The following METTL16 variants were observed in gnomAD, a reference collection of about 807,000 sequenced individuals.
The protein encoded by METTL16 is methyltransferase 16, RNA N6-adenosine, also known as RNA N(6)-adenosine-methyltransferase METTL16.
Under a neutral mutation model 57.9 loss-of-function variants are expected in METTL16, and 19 were observed. The observed-to-expected ratio is 0.33, with a 90% CI of 0.23 to 0.48. The LOEUF is 0.48. Among genes scored for constraint, METTL16 ranks in the 20% least tolerant of loss-of-function variants. The probability of loss-of-function intolerance (pLI) is 0.99; values close to 1 mark genes in which losing one functional copy is unlikely to be tolerated. For missense variants in METTL16, 434 were observed against 691.5 expected (o/e 0.63, Z 4.18); for synonymous variants, 246 against 255.6 (o/e 0.96, Z 0.36).
In METTL16 at chr17:2,477,679, G is replaced by A. The variant is rs1457173411; in HGVS notation, c.328+7C>T. ...GTTTAGCCAAAAAAGAATTTAAAAT[G>A]ATATACCTATGTCAATTCCTCTTCG... On this transcript the variant is annotated splice_region_variant and intron_variant, in intron 3 of 9. Transcript: ENST00000263092. 1 of 1,601,996 alleles carries A rather than the reference G, an allele frequency of 6.2e-7. No individual in the cohort carries two copies. The highest frequency in any genetic ancestry group is 1.3e-5 in the African/African-American group (1 of 74,648).
intron 6 of METTL16, among the ~76,000 whole-genome samples, chr17:2,452,861 T>G (rs2067081258): frequency 1.3e-5 from 2 of 152,052 alleles, no homozygotes; most frequent in African/African-American, 2.4e-5. Context: ...TTGTTTTTGT[T>G]TTTTTTAGAC....
Position 2,496,181 on chromosome 17 carries a change from A to G in METTL16, c.128+6023T>C, listed in dbSNP as rs543868831. Among the ~76,000 whole-genome samples, 76 of 151,734 alleles carry G rather than the reference A, an allele frequency of 5.0e-4. 1 individual carries two copies. Among genetic ancestry groups the G allele is most frequent in the Non-Finnish European group, 7.9e-4 (54 of 68,012 alleles). On this transcript the variant is annotated intron_variant, in intron 2 of 9. Coordinates refer to ENST00000263092, the MANE Select transcript of METTL16 (RefSeq NM_024086.4). ...AGAAAAAACATCCTACACAAATAGT[A>G]TTTTTATCTAATTGTGTTCAAGGCA...
intron 6 of METTL16, among the ~76,000 whole-genome samples, chr17:2,447,574 G>A (rs2067012716): frequency 9.0e-6 from 1 of 110,574 alleles, no homozygotes; most frequent in African/African-American, 5.4e-5. Flanking sequence ...CCAGGAGGGA[G>A]GTGGGGGGGG....
intron 1 of METTL16, among the ~76,000 whole-genome samples, chr17:2,504,715 C>T (rs1171271943): frequency 1.3e-5 from 2 of 152,112 alleles, no homozygotes; most frequent in African/African-American, 2.4e-5. Flanking sequence ...GCCACCATGC[C>T]ACCACGCCTG....
chr17:2,444,527 G>A (rs1279607316), intron 6 of METTL16, among the ~76,000 whole-genome samples: 1 of 152,118 alleles, frequency 6.6e-6, no homozygotes, highest in African/African-American at 2.4e-5. Context: ...CGTAGCTGTT[G>A]CAACATCATA....
At position 2,420,840 on chromosome 17, in the gene METTL16, G is replaced by C; in HGVS notation, c.953C>G (p.Ala318Gly). Residue 318 changes from alanine (A) to glycine (G), a missense_variant, in exon 9 of 10, where the codon GCG becomes GGG. Transcript: ENST00000263092. The surrounding 1 kb of genome is among the most constrained non-coding windows in gnomAD (Gnocchi z 5.4). ...GAGGGATAATTCCTTCATCACGGAC[G>C]CCAGCACCACGAATGTTATGGGTTT... ...PRKPITFVVLASVMKELSLKA... is the reference protein window; with the variant it reads ...PRKPITFVVLGSVMKELSLKA... 1 of 1,614,158 alleles carries C rather than the reference G, an allele frequency of 6.2e-7. No individual in the cohort carries two copies. The highest frequency in any genetic ancestry group is 8.5e-7 in the Non-Finnish European group (1 of 1,180,042).
At chr17:2,430,522 T>G (rs1273077468) in intron 8 of METTL16, among the ~76,000 whole-genome samples, 1 of 146,314 alleles carries the variant, frequency 6.8e-6, no homozygotes, top group East Asian at 2.0e-4. Context: ...TTCACGCCAT[T>G]CTCCTGCCTC....
At chr17:2,440,763 G>T (rs2066944172) in intron 7 of METTL16, among the ~76,000 whole-genome samples, 1 of 151,724 alleles carries the variant, frequency 6.6e-6, no homozygotes, top group Admixed American at 6.6e-5. Context: ...TTGAGCCCAG[G>T]AATTTGAGAC....
intron 6 of METTL16, among the ~76,000 whole-genome samples, chr17:2,459,530 T>C (rs1256578969): frequency 6.6e-6 from 1 of 152,246 alleles, no homozygotes; most frequent in Admixed American, 6.5e-5. Flanking sequence ...TTCTGCTTAG[T>C]TCCTGTATTT....
chr17:2,486,893 G>A (rs1237902448), intron 2 of METTL16, among the ~76,000 whole-genome samples: 2 of 151,290 alleles, frequency 1.3e-5, no homozygotes, highest in African/African-American at 4.9e-5. Context: ...AGTGGGAGTA[G>A]GGCGCGGTAC....
At chr17:2,474,371 TGAAAGAAACAAAAA>T in intron 3 of METTL16, among the ~76,000 whole-genome samples, 1 of 120,572 alleles carries the variant, frequency 8.3e-6, no homozygotes, top group East Asian at 2.3e-4. Flanking sequence ...AGTTGTCAGC[TGAAAGAAACAAAAA>T]GAAAAAAAAA....
At chr17:2,467,376 TAATTTTTTA>T in intron 5 of METTL16, among the ~76,000 whole-genome samples, 1 of 152,324 alleles carries the variant, frequency 6.6e-6, no homozygotes, top group Non-Finnish European at 1.5e-5. Flanking sequence ...AATAGTAAGT[TAATTTTTTA>T]AAGTTTTCTT....
rs1001561633 is a variant in METTL16 at position 2,416,148 on chromosome 17, G to A, written c.*3822C>T. 6.6e-6 allele frequency: 1 copy of A among 152,156 alleles called. No homozygotes were observed. Among genetic ancestry groups the A allele is most frequent in the Admixed American group, 6.5e-5 (1 of 15,284 alleles). 9.4% of individuals were successfully genotyped at this position (152,156 alleles called of 1,614,324 possible). On this transcript the variant is annotated 3_prime_UTR_variant, in exon 10 of 10. Coordinates refer to ENST00000263092, the MANE Select transcript of METTL16 (RefSeq NM_024086.4). The stretch of plus-strand genomic sequence containing the variant: ...TCTGGGTAGCAACTGGGTATTTCAA[G>A]AAAACACCGTGGACAGACTTGTCTC...
intron 6 of METTL16, among the ~76,000 whole-genome samples, chr17:2,449,002 A>AG (rs2067048668): frequency 6.7e-6 from 1 of 148,496 alleles, no homozygotes; most frequent in Admixed American, 6.7e-5. Context: ...ACTCCAGCCT[A>AG]GTGACAGAGC....
chr17:2,492,230 A>G (rs138753314), intron 2 of METTL16, among the ~76,000 whole-genome samples: 4 of 152,256 alleles, frequency 2.6e-5, no homozygotes, highest in African/African-American at 9.6e-5. Context: ...CAAATAAATA[A>G]ATAAAAACAA....
Position 2,419,767 on chromosome 17 carries a change from T to C in METTL16, c.*203A>G. The C allele has an allele frequency of 1.4e-6, 1 of 721,612 alleles. No homozygotes were observed. The highest frequency in any genetic ancestry group is 2.5e-6 in the Non-Finnish European group (1 of 405,532). 44.7% of individuals were successfully genotyped at this position (721,612 alleles called of 1,614,324 possible). On this transcript the variant is annotated 3_prime_UTR_variant, in exon 10 of 10. Transcript: ENST00000263092. ...TACTGATGACCACAATTCCTCCTTGTAAATGACCACACTACGACTCCCTGT... is the reference window on the plus strand; with the variant it reads ...TACTGATGACCACAATTCCTCCTTGCAAATGACCACACTACGACTCCCTGT...
intron 8 of METTL16, among the ~76,000 whole-genome samples, chr17:2,429,276 C>T (rs185470961): frequency 8.0e-5 from 12 of 150,440 alleles, no homozygotes; most frequent in Non-Finnish European, 7.4e-5. Flanking sequence ...GCAACCTCCA[C>T]CTCCCGGGTT....
intron 1 of METTL16, among the ~76,000 whole-genome samples, chr17:2,505,375 A>G (rs1456633734): frequency 7.0e-6 from 1 of 143,006 alleles, no homozygotes; most frequent in African/African-American, 2.6e-5. Context: ...CCTGTCCCCA[A>G]CAATGTCAAG....
chr17:2,422,012 T>G (rs903775819), intron 8 of METTL16, among the ~76,000 whole-genome samples: 2 of 152,064 alleles, frequency 1.3e-5, no homozygotes, highest in Non-Finnish European at 2.9e-5. Flanking sequence ...AAGTTCCACT[T>G]TAAAAACCAA....
Sources: allele counts gnomAD v4.1 joint callset (sites outside exome capture counted in the v4.1 genomes callset), GRCh38; gene constraint gnomAD v4.1.1; non-coding constraint Gnocchi (gnomAD v3.1); transcripts MANE v1.5; gene names NCBI Gene and HGNC (gene_info 2026-07-23, HGNC 2026-07-21).